DAB1: variants seen among roughly 807,000 people sequenced by gnomAD.
DAB1 encodes the protein DAB adaptor protein 1.
DAB1 carries 15 observed loss-of-function variants against 64.6 expected under a neutral mutation model. The ratio of observed to expected loss-of-function variants is 0.23; its 90% CI spans 0.16 to 0.36. The LOEUF is 0.36. DAB1 is among the 10% of genes least tolerant of loss of function. The pLI is 1.00. For synonymous variants in DAB1, 235 were observed against 251.9 expected (o/e 0.93, Z 0.64); for missense variants, 596 against 706.7 (o/e 0.84, Z 1.78).
At chr1:58,284,254 G>A (rs1661632267) in intron 4 of DAB1, among the ~76,000 whole-genome samples, 1 of 152,162 alleles carries the variant, frequency 6.6e-6, no homozygotes, top group South Asian at 2.1e-4. Flanking sequence ...TTGACACTGG[G>A]GCTTCTTTCC....
intron 5 of DAB1, among the ~76,000 whole-genome samples, chr1:58,099,671 C>T (rs1651194251): frequency 6.6e-6 from 1 of 152,180 alleles, no homozygotes; most frequent in African/African-American, 2.4e-5. Context: ...CAGTCTGGTG[C>T]CACGCTCTGT....
chr1:57,913,915 G>T (rs1279560969), intron 5 of DAB1, among the ~76,000 whole-genome samples: 2 of 152,154 alleles, frequency 1.3e-5, no homozygotes, highest in Non-Finnish European at 2.9e-5. Flanking sequence ...ATGCCAGTTA[G>T]AATGGCAATC....
chr1:57,733,197 G>T (rs1338882967), intron 6 of DAB1, among the ~76,000 whole-genome samples: 3 of 151,948 alleles, frequency 2.0e-5, no homozygotes, highest in Non-Finnish European at 4.4e-5. Flanking sequence ...ATTTAAAATT[G>T]CAACTTGCTC....
At chr1:57,139,205 T>A (rs994842844) in intron 3 of DAB1, among the ~76,000 whole-genome samples, 1 of 152,084 alleles carries the variant, frequency 6.6e-6, no homozygotes, top group African/African-American at 2.4e-5. Flanking sequence ...GGTGATTAAG[T>A]GATAAGGGTA....
chr1:58,121,505 C>A (rs367625984), intron 5 of DAB1, among the ~76,000 whole-genome samples: 1 of 152,130 alleles, frequency 6.6e-6, no homozygotes, highest in African/African-American at 2.4e-5. Flanking sequence ...CCTGTAGGTT[C>A]AAGTCAAAGA....
At chr1:57,576,707 G>A (rs1348185119) in intron 7 of DAB1, among the ~76,000 whole-genome samples, 2 of 152,138 alleles carry the variant, frequency 1.3e-5, no homozygotes, top group Non-Finnish European at 2.9e-5. Flanking sequence ...GCAGCCCTAG[G>A]AAACTAATAC....
intron 2 of DAB1, among the ~76,000 whole-genome samples, chr1:57,218,294 A>T (rs772986712): frequency 6.6e-6 from 1 of 152,140 alleles, no homozygotes; most frequent in Non-Finnish European, 1.5e-5. Context: ...CTGGCCTCTC[A>T]AAATCCCACC....
At chr1:57,055,628 A>G (rs1649670769) in intron 9 of DAB1, among the ~76,000 whole-genome samples, 1 of 152,210 alleles carries the variant, frequency 6.6e-6, no homozygotes. Flanking sequence ...CTTCTGCCCT[A>G]AGACTCTGGA....
chr1:57,094,119 A>AAAG (rs1653939470), intron 4 of DAB1, among the ~76,000 whole-genome samples: 1 of 151,662 alleles, frequency 6.6e-6, no homozygotes, highest in Admixed American at 6.6e-5. Flanking sequence ...AAAAAAAAAA[A>AAAG]AAAAAAGGAA....
At chr1:58,050,217 C>G (rs970232544) in intron 5 of DAB1, among the ~76,000 whole-genome samples, 1 of 152,114 alleles carries the variant, frequency 6.6e-6, no homozygotes, top group Non-Finnish European at 1.5e-5. Flanking sequence ...TGAAATTTAT[C>G]GGGCCAGTTA....
intron 5 of DAB1, among the ~76,000 whole-genome samples, chr1:57,967,049 A>C (rs1645684500): frequency 6.6e-6 from 1 of 152,226 alleles, no homozygotes; most frequent in South Asian, 2.1e-4. Context: ...GCACGTGTGC[A>C]CATACATGCA....
chr1:57,032,291 G>A (rs981703293), intron 9 of DAB1, among the ~76,000 whole-genome samples: 3 of 152,264 alleles, frequency 2.0e-5, no homozygotes, highest in Non-Finnish European at 4.4e-5. Context: ...CAGCTACCAA[G>A]AGCAAGGGCT....
At chr1:58,116,186 C>G (rs1652325195) in intron 5 of DAB1, among the ~76,000 whole-genome samples, 1 of 152,142 alleles carries the variant, frequency 6.6e-6, no homozygotes, top group African/African-American at 2.4e-5. Flanking sequence ...TCTCCTTCTT[C>G]CTTCCTGGAA....
chr1:57,488,401 CAAAAA>C (rs11455708), intron 7 of DAB1, among the ~76,000 whole-genome samples: 2 of 74,126 alleles, frequency 2.7e-5, no homozygotes. Context: ...GATTCCGTCT[CAAAAA>C]AAAAAAAAAA....
At chr1:57,514,016 G>A (rs12063470) in intron 7 of DAB1, among the ~76,000 whole-genome samples, 10,652 of 152,196 alleles carry the variant, frequency 0.07, 1,164 homozygotes, top group African/African-American at 0.23. Context: ...TGTCACAAAT[G>A]ACAGAATTTC....
intron 7 of DAB1, among the ~76,000 whole-genome samples, chr1:57,641,289 C>A (rs1292758225): frequency 2.0e-5 from 3 of 151,906 alleles, no homozygotes; most frequent in South Asian, 2.1e-4. Flanking sequence ...TTCTTATATA[C>A]CTGACTTAGT....
chr1:57,204,732 T>C (rs1412397707), intron 2 of DAB1, among the ~76,000 whole-genome samples: 1 of 152,228 alleles, frequency 6.6e-6, no homozygotes, highest in Admixed American at 6.5e-5. Flanking sequence ...CGTAAAGTAT[T>C]TCACATAATA....
chr1:58,464,836 C>T (rs1436852859), intron 3 of DAB1, among the ~76,000 whole-genome samples: 1 of 152,202 alleles, frequency 6.6e-6, no homozygotes, highest in Non-Finnish European at 1.5e-5. Flanking sequence ...CCATTCTAAA[C>T]TCCATATCAG....
At chr1:57,628,367 G>C (rs923413998) in intron 7 of DAB1, among the ~76,000 whole-genome samples, 7 of 152,194 alleles carry the variant, frequency 4.6e-5, no homozygotes, top group African/African-American at 1.7e-4. Flanking sequence ...CAAATATGAA[G>C]AGAGATGTGG....
Sources: allele counts gnomAD v4.1 joint callset (sites outside exome capture counted in the v4.1 genomes callset), GRCh38; gene constraint gnomAD v4.1.1; transcripts MANE v1.5; gene names NCBI Gene and HGNC (gene_info 2026-07-23, HGNC 2026-07-21).